The following RGS6 variants were observed in gnomAD, a reference collection of about 807,000 sequenced individuals.
RGS6 encodes the protein regulator of G-protein signaling 6.
A neutral mutation model predicts 78.5 loss-of-function variants in RGS6; 30 were observed. The observed-to-expected ratio is 0.38, with a 90% confidence interval of 0.29 to 0.52. The LOEUF is 0.52. RGS6 is among the 20% of genes least tolerant of loss of function. The probability of loss-of-function intolerance (pLI) is 0.85; values close to 1 mark genes in which losing one functional copy is unlikely to be tolerated. For missense variants in RGS6, 495 were observed against 609.7 expected, an observed-to-expected ratio of 0.81 and a Z score of 1.98; for synonymous variants, 206 against 206.0, an observed-to-expected ratio of 1.00 and a Z score of 0.00.
At chr14:72,412,646 T>C (rs1566777189) in intron 3 of RGS6, among the ~76,000 whole-genome samples, 2 of 152,230 alleles carry the variant, frequency 1.3e-5, no homozygotes. Flanking sequence ...TCTAGTTCTT[T>C]TAATTGTGAT....
At chr14:72,393,141 A>G (rs1684186309) in intron 3 of RGS6, among the ~76,000 whole-genome samples, 1 of 152,196 alleles carries the variant, frequency 6.6e-6, no homozygotes, top group Non-Finnish European at 1.5e-5. Flanking sequence ...TTTTCTGCCT[A>G]GTCCTACCTG....
At chr14:72,558,665 A>T (rs1410830850) in intron 17 of RGS6, among the ~76,000 whole-genome samples, 1 of 152,202 alleles carries the variant, frequency 6.6e-6, no homozygotes, top group African/African-American at 2.4e-5. Context: ...TGAAATGATT[A>T]ATCAGAGCGG....
intron 2 of RGS6, among the ~76,000 whole-genome samples, chr14:72,057,943 T>G (rs1417301489): frequency 6.6e-6 from 1 of 152,258 alleles, no homozygotes; most frequent in Non-Finnish European, 1.5e-5. Flanking sequence ...TGTTTTGAAT[T>G]CTACTTCAGG....
intron 2 of RGS6, among the ~76,000 whole-genome samples, chr14:72,182,416 C>CAAAA (rs34656799): frequency 3.8e-5 from 4 of 106,368 alleles, no homozygotes; most frequent in Admixed American, 1.0e-4. Context: ...GACTCCATCT[C>CAAAA]AAAAAAAAAA....
chr14:72,021,878 G>T lies in RGS6; in HGVS notation c.84+57003G>T, dbSNP rs1186480474. On this transcript the variant is annotated intron_variant, in intron 2 of 17. Transcript: ENST00000553525. ...TTGTACAGATTATTTCATCAGCCAG[G>T]TGTATTAAGCCTAGTACCCAATAAT... is the stretch of plus-strand genomic sequence containing the variant. Among the ~76,000 whole-genome samples, 4 of 152,016 alleles carry T rather than the reference G, an allele frequency of 2.6e-5. No individual in the cohort carries two copies. The East Asian group carries it at 5.8e-4, about 22-fold the overall frequency.
At chr14:72,127,530 A>G (rs1008663868) in intron 2 of RGS6, among the ~76,000 whole-genome samples, 37 of 151,560 alleles carry the variant, frequency 2.4e-4, no homozygotes, top group African/African-American at 9.0e-4. Context: ...TACTGATTTA[A>G]AAATGTAAAG....
At chr14:72,470,177 A>G in intron 8 of RGS6, 94 bp downstream of exon 8, 4 of 910,158 alleles carry the variant, frequency 4.4e-6, no homozygotes, top group South Asian at 2.8e-5. Flanking sequence ...AAGTTTCCAG[A>G]TGGCGTTAGT....
At chr14:72,497,509 T>G (rs1216839223) in intron 13 of RGS6, among the ~76,000 whole-genome samples, 1 of 152,178 alleles carries the variant, frequency 6.6e-6, no homozygotes, top group African/African-American at 2.4e-5. Context: ...TTTATTAATG[T>G]TATATTAACT....
chr14:72,303,862 T>C (rs929892986), intron 2 of RGS6, among the ~76,000 whole-genome samples: 2 of 152,216 alleles, frequency 1.3e-5, no homozygotes, highest in African/African-American at 4.8e-5. Flanking sequence ...TAAGATATCA[T>C]TTCTCTATTG....
intron 3 of RGS6, among the ~76,000 whole-genome samples, chr14:72,436,840 C>G (rs2094935674): frequency 6.6e-6 from 1 of 152,164 alleles, no homozygotes; most frequent in South Asian, 2.1e-4. Context: ...TTTAGCAACA[C>G]TCCTTAGTGT....
the RGS6 span, among the ~76,000 whole-genome samples, chr14:71,901,647 G>C: frequency 6.6e-6 from 1 of 152,168 alleles, no homozygotes; most frequent in South Asian, 2.1e-4. Flanking sequence ...CATAAGGTGA[G>C]AGTTATTTGA....
At chr14:71,896,331 G>A in the RGS6 span, among the ~76,000 whole-genome samples, 1 of 152,128 alleles carries the variant, frequency 6.6e-6, no homozygotes, top group Non-Finnish European at 1.5e-5. Flanking sequence ...GCTAAATAAG[G>A]GGTGGATTAT....
At chr14:71,909,475 C>A in the RGS6 span, among the ~76,000 whole-genome samples, 1 of 151,096 alleles carries the variant, frequency 6.6e-6, no homozygotes, top group Non-Finnish European at 1.5e-5. Context: ...AACACATACA[C>A]CTGCACAGAG....
chr14:72,339,092 A>G (rs945322747), intron 2 of RGS6, among the ~76,000 whole-genome samples: 1 of 152,230 alleles, frequency 6.6e-6, no homozygotes, highest in Non-Finnish European at 1.5e-5. Context: ...AAAGAAAAGA[A>G]TAAAAAGTAC....
chr14:72,213,369 T>G (rs558069657), intron 2 of RGS6, among the ~76,000 whole-genome samples: 1 of 152,292 alleles, frequency 6.6e-6, no homozygotes, highest in Non-Finnish European at 1.5e-5. Flanking sequence ...GTATGTAAGA[T>G]TCACAGAGGA....
chr14:72,348,140 G>T (rs1411141721), intron 2 of RGS6, among the ~76,000 whole-genome samples: 2 of 148,126 alleles, frequency 1.4e-5, no homozygotes, highest in Non-Finnish European at 3.0e-5. Flanking sequence ...TCCAGGAGCT[G>T]CCCCCATTAC....
intron 2 of RGS6, among the ~76,000 whole-genome samples, chr14:72,148,955 T>C (rs1358431246): frequency 6.6e-6 from 1 of 152,204 alleles, no homozygotes; most frequent in African/African-American, 2.4e-5. Flanking sequence ...TAAAACAACA[T>C]TTACTGTGCT....
intron 2 of RGS6, among the ~76,000 whole-genome samples, chr14:72,199,944 C>T (rs898070231): frequency 6.6e-6 from 1 of 152,200 alleles, no homozygotes; most frequent in Non-Finnish European, 1.5e-5. Flanking sequence ...TTAGTCCAAT[C>T]ATTTCGATAG....
chr14:72,103,926 G>C (rs1375657215), intron 2 of RGS6, among the ~76,000 whole-genome samples: 2 of 152,186 alleles, frequency 1.3e-5, no homozygotes, highest in Non-Finnish European at 2.9e-5. Context: ...CTTGGTCGAG[G>C]ATATTAACTA....
Sources: allele counts gnomAD v4.1 joint callset (sites outside exome capture counted in the v4.1 genomes callset), GRCh38; gene constraint gnomAD v4.1.1; transcripts MANE v1.5; gene names NCBI Gene and HGNC (gene_info 2026-07-23, HGNC 2026-07-21).